TMEM40: variants seen among roughly 807,000 people sequenced by gnomAD.
The protein encoded by TMEM40 is transmembrane protein 40.
In TMEM40, 34 loss-of-function variants were observed where a neutral mutation model predicts 40.8. The ratio of observed to expected loss-of-function variants is 0.83; its 90% CI spans 0.63 to 1.11. The LOEUF is 1.11. Ranked by LOEUF, TMEM40 falls within the 50% of genes least tolerant of loss-of-function variation. The pLI is 0.00. For missense variants in TMEM40, 296 were observed against 280.2 expected (o/e 1.06, Z -0.40); for synonymous variants, 106 against 107.0 (o/e 0.99, Z 0.06).
chr3:12,738,099 C>A (rs778324338), intron 7 of TMEM40, 37 bp downstream of exon 7: 30 of 1,612,250 alleles, frequency 1.9e-5, no homozygotes, highest in South Asian at 3.3e-5. Flanking sequence ...GGAATCCACA[C>A]CCGCTCTGGC....
At chr3:12,749,053 C>A (rs1382567951) in intron 2 of TMEM40, among the ~76,000 whole-genome samples, 1 of 151,630 alleles carries the variant, frequency 6.6e-6, no homozygotes, top group Non-Finnish European at 1.5e-5. Flanking sequence ...GAGACGGAGT[C>A]TTGCTCTTTT....
chr3:12,758,211 C>A (rs1283707018), intron 1 of TMEM40, among the ~76,000 whole-genome samples: 1 of 152,088 alleles, frequency 6.6e-6, no homozygotes, highest in Non-Finnish European at 1.5e-5. Flanking sequence ...CTCTCTGATC[C>A]TTTTCACAAG....
rs984393566 is a variant in TMEM40 at position 12,745,535 on chromosome 3, A to T, written c.212-1546T>A. ...ACAATCAGGGCTTACTGTAGCCTTG[A>T]CCTCCCAGGCTCAAGTGATCTTCAC... On this transcript the variant is annotated intron_variant, in intron 3 of 11. Coordinates refer to ENST00000314124, the MANE Select transcript of TMEM40 (RefSeq NM_018306.4). Among the ~76,000 whole-genome samples, 3 of 151,614 alleles carry T rather than the reference A, an allele frequency of 2.0e-5. No individual in the cohort carries two copies. The East Asian group carries it at 5.8e-4, about 29-fold the overall frequency.
intron 6 of TMEM40, 73 bp from the exon 7 acceptor site, chr3:12,738,241 A>C: frequency 6.4e-7 from 1 of 1,552,016 alleles, no homozygotes. Context: ...ACCCTGGGGA[A>C]GGCTATAGGT....
upstream of TMEM40, among the ~76,000 whole-genome samples, chr3:12,761,025 CT>C (rs1353552548): frequency 1.3e-5 from 2 of 152,396 alleles, no homozygotes; most frequent in African/African-American, 4.8e-5. Context: ...GCGTAAGCCA[CT>C]GCATCTGGCC....
At chr3:12,738,401 C>T (rs2061354100) in intron 6 of TMEM40, 152 bp downstream of exon 6, 3 of 1,021,318 alleles carry the variant, frequency 2.9e-6, no homozygotes, top group Non-Finnish European at 4.5e-6. Flanking sequence ...CTGGCCCAGC[C>T]TGCTTGATGA....
chr3:12,761,066 C>T (rs1048757284), upstream of TMEM40, among the ~76,000 whole-genome samples: 1 of 152,184 alleles, frequency 6.6e-6, no homozygotes, highest in Non-Finnish European at 1.5e-5. Context: ...GAATGAGTGA[C>T]CTGAAAGGTT....
chr3:12,761,518 A>G (rs1332416480), upstream of TMEM40, among the ~76,000 whole-genome samples: 1 of 151,892 alleles, frequency 6.6e-6, no homozygotes, highest in Non-Finnish European at 1.5e-5. Context: ...AGGTGGGAGG[A>G]TCACTTGAGC....
intron 3 of TMEM40, among the ~76,000 whole-genome samples, chr3:12,746,886 A>T (rs1473159372): frequency 6.6e-6 from 1 of 152,130 alleles, no homozygotes; most frequent in Non-Finnish European, 1.5e-5. Context: ...GAACCAGAGG[A>T]CGGAACACTC....
At chr3:12,748,193 A>T (rs2061444220) in intron 3 of TMEM40, among the ~76,000 whole-genome samples, 1 of 152,196 alleles carries the variant, frequency 6.6e-6, no homozygotes, top group East Asian at 1.9e-4. Flanking sequence ...TATTGCTCTC[A>T]TCCCCATCTT....
At chr3:12,750,905 C>T (rs2061470364) in intron 1 of TMEM40, among the ~76,000 whole-genome samples, 1 of 152,114 alleles carries the variant, frequency 6.6e-6, no homozygotes, top group Non-Finnish European at 1.5e-5. Context: ...GCCAAATGAC[C>T]CCTGTTGTGG....
chr3:12,761,605 CAAAAA>C (rs34133777), upstream of TMEM40, among the ~76,000 whole-genome samples: 1 of 145,792 alleles, frequency 6.9e-6, no homozygotes, highest in African/African-American at 2.5e-5. Context: ...GATCTCATCT[CAAAAA>C]AAAAAGAAAA....
intron 1 of TMEM40, among the ~76,000 whole-genome samples, chr3:12,756,981 G>A (rs1161339603): frequency 1.3e-5 from 2 of 152,102 alleles, no homozygotes; most frequent in East Asian, 1.9e-4. Flanking sequence ...TTCAGTTCCC[G>A]CCTCTACCCC....
rs1559527453 is a variant in TMEM40 at position 12,743,954 on chromosome 3, C to CG, written c.246dup (p.Gly83ArgfsTer26). The CG allele has an allele frequency of 1.9e-6, 3 of 1,613,402 alleles. No individual in the cohort carries two copies. The Admixed American group carries it at 5.0e-5, about 27-fold the overall frequency. Reference sequence around the variant, plus strand: ...GCCCCCAGGCTCCGTCGATGTTTTCCGGTTGCTCTGGGTTGCTGGTCCTCA... The same window carrying CG: ...GCCCCCAGGCTCCGTCGATGTTTTCCGGGTTGCTCTGGGTTGCTGGTCCTCA... On this transcript the variant is annotated frameshift_variant, in exon 4 of 12. Coordinates refer to ENST00000314124, the MANE Select transcript of TMEM40 (RefSeq NM_018306.4). LOFTEE classifies it high-confidence loss of function.
At chr3:12,735,438 C>T (rs978716486) in intron 11 of TMEM40, 117 bp downstream of exon 11, 11 of 1,047,182 alleles carry the variant, frequency 1.1e-5, no homozygotes, top group Non-Finnish European at 1.4e-6. Context: ...AGAGGTAGGA[C>T]TCAAACCTGG....
intron 1 of TMEM40, 109 bp from the exon 2 acceptor site, chr3:12,749,949 A>G (rs2061460685): frequency 9.5e-7 from 1 of 1,052,914 alleles, no homozygotes; most frequent in Non-Finnish European, 1.4e-6. Flanking sequence ...CATTCAAAGG[A>G]ATAAGAAAAA....
upstream of TMEM40, among the ~76,000 whole-genome samples, chr3:12,760,460 T>A: frequency 6.6e-6 from 1 of 152,076 alleles, no homozygotes; most frequent in East Asian, 1.9e-4. Context: ...GTGGGCTCCC[T>A]CCTCAGGGCC....
intron 1 of TMEM40, among the ~76,000 whole-genome samples, chr3:12,768,952 CG>C (rs1559538196): frequency 1.6e-3 from 3 of 1,858 alleles, no homozygotes; most frequent in Non-Finnish European, 3.9e-3. Context: ...GCGGGGGGGG[CG>C]GGGGGGCGCG....
intron 1 of TMEM40, among the ~76,000 whole-genome samples, chr3:12,750,063 G>C (rs1276802595): frequency 6.6e-6 from 1 of 152,012 alleles, no homozygotes; most frequent in East Asian, 1.9e-4. Context: ...GTATTGGTTA[G>C]GCAACTAGCA....
Sources: gnomAD v4.1 joint callset for allele counts (sites outside exome capture counted in the v4.1 genomes callset) on GRCh38, gnomAD v4.1.1 for gene constraint, MANE v1.5 for transcripts, NCBI Gene and HGNC (gene_info 2026-07-23, HGNC 2026-07-21) for gene names.